ENOX2: variants seen among roughly 807,000 people sequenced by gnomAD.
ENOX2 encodes ecto-NOX disulfide-thiol exchanger 2.
ENOX2 carries 36 observed loss-of-function variants against 45.0 expected under a neutral mutation model. The observed-to-expected ratio is 0.80, with a 90% CI of 0.61 to 1.06. ENOX2 has a LOEUF of 1.06. Ranked by LOEUF, ENOX2 falls within the 50% of genes least tolerant of loss-of-function variation. ENOX2 has a pLI of 0.00. For synonymous variants in ENOX2, 174 were observed against 152.3 expected, an observed-to-expected ratio of 1.14 and a Z score of -1.05; for missense variants, 423 against 462.5, an observed-to-expected ratio of 0.91 and a Z score of 0.78.
In ENOX2 at chrX:130,625,402, T is replaced by A. The variant is rs771541214; in HGVS notation, c.1658A>T (p.His553Leu). 1 of 1,208,727 alleles carries A rather than the reference T, an allele frequency of 8.3e-7. No homozygotes were observed. The highest frequency in any genetic ancestry group is 2.2e-5 in the Admixed American group (1 of 46,013). Residue 553 changes from histidine to leucine, a missense_variant, in exon 15 of 15, where the codon CAT (histidine) becomes CTT (leucine). By Grantham distance (99) the His-to-Leu change is moderately conservative. Coordinates refer to ENST00000394363, the MANE Select transcript of ENOX2 (RefSeq NM_006375.4). ...TCCAGTCATTTCCTGCTTGAAGGTATGCTGGAGTCTACCCATGAGACACTC... is the reference window on the plus strand; with the variant it reads ...TCCAGTCATTTCCTGCTTGAAGGTAAGCTGGAGTCTACCCATGAGACACTC... ...DVECLMGRLQ[H>L]TFKQEMTGVG...
chrX:130,754,970 CAAG>C (rs1477398737), intron 3 of ENOX2, among the ~76,000 whole-genome samples: 1 of 111,947 alleles, frequency 8.9e-6, no homozygotes, highest in Admixed American at 9.5e-5. Context: ...TTCCAGAACT[CAAG>C]AAATTTGAGA....
At position 130,747,407 on chromosome X, in the gene ENOX2, A is replaced by G. The variant is rs190059522; in HGVS notation, c.-39+36140T>C. Among the ~76,000 whole-genome samples, 428 of 112,342 alleles carry G rather than the reference A, an allele frequency of 3.8e-3. 2 individuals are homozygous for G. The highest frequency in any genetic ancestry group is 0.013 in the African/African-American group (414 of 30,951). On this transcript the variant is annotated intron_variant, in intron 3 of 14. Transcript: ENST00000394363. The stretch of plus-strand genomic sequence containing the variant: ...AAAAAAATGGAATCAGTTACTCAGC[A>G]TAAGACCCTTTCAACACCAAGGGTT...
intron 2 of ENOX2, among the ~76,000 whole-genome samples, chrX:130,888,551 T>C: frequency 1.8e-5 from 2 of 112,052 alleles, no homozygotes. Flanking sequence ...GAACAGCTAA[T>C]GAGATAATAG....
chrX:130,626,378 T>A (rs2035547169), intron 14 of ENOX2, among the ~76,000 whole-genome samples: 1 of 112,165 alleles, frequency 8.9e-6, no homozygotes, highest in African/African-American at 3.2e-5. Context: ...TATATACATT[T>A]AATATAGGTA....
chrX:130,802,480 G>A (rs2077234287), intron 2 of ENOX2, among the ~76,000 whole-genome samples: 1 of 112,239 alleles, frequency 8.9e-6, no homozygotes, highest in South Asian at 3.7e-4. Flanking sequence ...TATATTCAGA[G>A]ACTGCTATTA....
chrX:130,643,099 T>C, intron 10 of ENOX2, among the ~76,000 whole-genome samples: 1 of 111,266 alleles, frequency 9.0e-6, no homozygotes. Flanking sequence ...GCAGTACCCA[T>C]GAAATGGTAT....
intron 3 of ENOX2, among the ~76,000 whole-genome samples, chrX:130,754,339 C>T (rs1250420323): frequency 4.5e-5 from 5 of 111,706 alleles, no homozygotes; most frequent in Non-Finnish European, 9.4e-5. Flanking sequence ...TACTGACTTA[C>T]GAAAAATAAG....
At chrX:130,629,992 C>T (rs370999284) in intron 13 of ENOX2, among the ~76,000 whole-genome samples, 42 of 111,959 alleles carry the variant, frequency 3.8e-4, no homozygotes, top group African/African-American at 5.9e-4. Flanking sequence ...GGTGAGTTAT[C>T]GTATTAAATA....
intron 2 of ENOX2, among the ~76,000 whole-genome samples, chrX:130,822,991 A>T (rs746146795): frequency 1.8e-5 from 2 of 111,531 alleles, no homozygotes; most frequent in Non-Finnish European, 3.8e-5. Flanking sequence ...TTGGGATGTA[A>T]CCCCATTGTA....
intron 10 of ENOX2, among the ~76,000 whole-genome samples, chrX:130,653,389 C>T (rs185875701): frequency 3.6e-5 from 4 of 112,062 alleles, no homozygotes; most frequent in Non-Finnish European, 7.5e-5. Flanking sequence ...GCTTACTATG[C>T]GAAATCTAAG....
chrX:130,716,257 A>G (rs1247775569), intron 3 of ENOX2, among the ~76,000 whole-genome samples: 3 of 112,267 alleles, frequency 2.7e-5, no homozygotes, highest in Non-Finnish European at 5.6e-5. Context: ...AGAAAAAAAC[A>G]GTGGGATTAA....
chrX:130,673,525 T>G (rs1204660180), intron 6 of ENOX2, among the ~76,000 whole-genome samples: 1 of 92,171 alleles, frequency 1.1e-5, no homozygotes, highest in Non-Finnish European at 2.2e-5. Context: ...ACTGAAGGAG[T>G]TAGAAAATAC....
Position 130,625,247 on chromosome X carries a change from A to T in ENOX2, c.*67T>A. 1 of 1,100,803 alleles carries T rather than the reference A, an allele frequency of 9.1e-7. No individual in the cohort carries two copies. The highest frequency in any genetic ancestry group is 1.2e-6 in the Non-Finnish European group (1 of 818,678). 90.7% of individuals were successfully genotyped at this position (1,100,803 alleles called of 1,213,427 possible). On this transcript the variant is annotated 3_prime_UTR_variant, in exon 15 of 15. Coordinates refer to ENST00000394363, the MANE Select transcript of ENOX2 (RefSeq NM_006375.4). ...TCCACTTGAAAACCATTAAAAATATAAATCACTTTCTATGCTTGTCCAACA... is the reference window on the plus strand; with the variant it reads ...TCCACTTGAAAACCATTAAAAATATTAATCACTTTCTATGCTTGTCCAACA...
At chrX:130,796,388 T>C (rs1479140138) in intron 2 of ENOX2, among the ~76,000 whole-genome samples, 1 of 111,495 alleles carries the variant, frequency 9.0e-6, no homozygotes, top group Non-Finnish European at 1.9e-5. Flanking sequence ...CATAAATCCA[T>C]GCTCAAAAAT....
At chrX:130,814,410 C>T (rs2077445318) in intron 2 of ENOX2, among the ~76,000 whole-genome samples, 1 of 112,226 alleles carries the variant, frequency 8.9e-6, no homozygotes, top group South Asian at 3.7e-4. Context: ...GACAGACTGC[C>T]TCCTCAAGTG....
chrX:130,733,430 T>C, intron 3 of ENOX2, among the ~76,000 whole-genome samples: 1 of 111,023 alleles, frequency 9.0e-6, no homozygotes, highest in South Asian at 3.8e-4. Flanking sequence ...AAGAAATATG[T>C]AACTACCAAA....
chrX:130,758,849 G>A (rs966538400), intron 3 of ENOX2, among the ~76,000 whole-genome samples: 5 of 110,910 alleles, frequency 4.5e-5, no homozygotes, highest in African/African-American at 1.3e-4. Context: ...CTTATTTGCC[G>A]CCTGCATATA....
intron 2 of ENOX2, among the ~76,000 whole-genome samples, chrX:130,835,519 T>C (rs1444689930): frequency 9.0e-6 from 1 of 111,460 alleles, no homozygotes; most frequent in Non-Finnish European, 1.9e-5. Flanking sequence ...TACATATCTG[T>C]CTATTTAATA....
At chrX:130,685,733 G>A (rs1047223864) in intron 5 of ENOX2, among the ~76,000 whole-genome samples, 2 of 112,028 alleles carry the variant, frequency 1.8e-5, no homozygotes, top group African/African-American at 6.5e-5. Context: ...AAAGGGGTAT[G>A]CTTGAAGTTG....
Sources: allele counts gnomAD v4.1 joint callset (sites outside exome capture counted in the v4.1 genomes callset), GRCh38; gene constraint gnomAD v4.1.1; transcripts MANE v1.5; gene names NCBI Gene and HGNC (gene_info 2026-07-23, HGNC 2026-07-21).